Variants in PPIL4 observed in about 807,000 individuals in gnomAD.
The protein encoded by PPIL4 is peptidylprolyl isomerase like 4, also known as peptidyl-prolyl cis-trans isomerase-like 4.
PPIL4 carries 50 observed loss-of-function variants against 69.1 expected under a neutral mutation model. That is an observed-to-expected ratio of 0.72 (90% CI 0.58 to 0.92). The LOEUF is 0.92. Ranked by LOEUF, PPIL4 falls within the 40% of genes least tolerant of loss-of-function variation. PPIL4 has a pLI of 0.00. For synonymous variants in PPIL4, 193 were observed against 191.6 expected, an observed-to-expected ratio of 1.01 and a Z score of -0.06; for missense variants, 480 against 587.9, an observed-to-expected ratio of 0.82 and a Z score of 1.90.
At chr6:149,533,644 C>T (rs773618070) in intron 6 of PPIL4, 70 bp from the exon 7 acceptor site, 1 of 865,724 alleles carries the variant, frequency 1.2e-6, no homozygotes. Context: ...AGAAGACATA[C>T]TTTATTCTTA....
intron 9 of PPIL4, among the ~76,000 whole-genome samples, chr6:149,522,967 G>A (rs1380631997): frequency 1.2e-4 from 19 of 152,200 alleles, no homozygotes; most frequent in Non-Finnish European, 1.5e-4. Context: ...TATGAAAAAC[G>A]AAACAATGTA....
intron 11 of PPIL4, among the ~76,000 whole-genome samples, chr6:149,516,308 T>G (rs1008261242): frequency 2.4e-4 from 36 of 152,326 alleles, no homozygotes; most frequent in Non-Finnish European, 4.9e-4. Context: ...TGAAAGCCTC[T>G]CCTTATGCTG....
chr6:149,507,512 T>C (rs1015426431), intron 12 of PPIL4, among the ~76,000 whole-genome samples: 1 of 152,230 alleles, frequency 6.6e-6, no homozygotes, highest in Non-Finnish European at 1.5e-5. Context: ...ATTCATATAC[T>C]ATTATATCTG....
chr6:149,527,681 G>C (rs1777128003), intron 7 of PPIL4, among the ~76,000 whole-genome samples: 1 of 151,932 alleles, frequency 6.6e-6, no homozygotes, highest in South Asian at 2.1e-4. Context: ...CCTGCTTTTT[G>C]GTTTTCCTTT....
At chr6:149,513,601 G>C (rs1356589044) in intron 11 of PPIL4, among the ~76,000 whole-genome samples, 2 of 150,480 alleles carry the variant, frequency 1.3e-5, no homozygotes, top group African/African-American at 4.9e-5. Flanking sequence ...AAAAACCCTA[G>C]AAAGGTGTTT....
chr6:149,520,259 T>C (rs1399428358), intron 10 of PPIL4, among the ~76,000 whole-genome samples: 1 of 152,128 alleles, frequency 6.6e-6, no homozygotes, highest in Non-Finnish European at 1.5e-5. Context: ...TCAAAAAATG[T>C]AGGGGAAAGT....
At chr6:149,507,588 T>C (rs1453297830) in intron 12 of PPIL4, among the ~76,000 whole-genome samples, 1 of 152,224 alleles carries the variant, frequency 6.6e-6, no homozygotes, top group South Asian at 2.1e-4. Flanking sequence ...TGCTGGCTGA[T>C]GTATAAATTT....
At chr6:149,514,899 C>T (rs1179917247) in intron 11 of PPIL4, among the ~76,000 whole-genome samples, 4 of 151,262 alleles carry the variant, frequency 2.6e-5, no homozygotes, top group African/African-American at 9.7e-5. Context: ...TACAATGGCG[C>T]GATCTTGGCT....
At chr6:149,535,815 A>T in intron 4 of PPIL4, 77 bp from the exon 5 acceptor site, 2 of 986,842 alleles carry the variant, frequency 2.0e-6, no homozygotes, top group Non-Finnish European at 2.9e-6. Flanking sequence ...GACTGACAAA[A>T]AAATACATGA....
chr6:149,526,930 T>C (rs914116882), intron 7 of PPIL4, among the ~76,000 whole-genome samples, 154 bp from the exon 8 acceptor site: 1 of 152,224 alleles, frequency 6.6e-6, no homozygotes, highest in Non-Finnish European at 1.5e-5. Flanking sequence ...ATTTCAAAAT[T>C]TGAACTACAC....
intron 4 of PPIL4, among the ~76,000 whole-genome samples, chr6:149,540,291 T>C (rs1777340145): frequency 6.6e-6 from 1 of 151,972 alleles, no homozygotes; most frequent in Non-Finnish European, 1.5e-5. Flanking sequence ...GAATAGAAGG[T>C]ACTCTGCGTA....
intron 12 of PPIL4, among the ~76,000 whole-genome samples, chr6:149,510,654 A>G (rs1776829316): frequency 6.6e-6 from 1 of 152,144 alleles, no homozygotes; most frequent in Non-Finnish European, 1.5e-5. Context: ...AGGCAGGAGA[A>G]TCGCTTGAAC....
At chr6:149,523,288 TA>T (rs924796809) in intron 9 of PPIL4, among the ~76,000 whole-genome samples, 1 of 149,910 alleles carries the variant, frequency 6.7e-6, no homozygotes, top group African/African-American at 2.5e-5. Flanking sequence ...TCCTGTCCCT[TA>T]AAAAACAAAA....
intron 12 of PPIL4, among the ~76,000 whole-genome samples, chr6:149,509,093 C>T (rs1170693040): frequency 6.6e-6 from 1 of 151,984 alleles, no homozygotes; most frequent in Admixed American, 6.6e-5. Context: ...AATCAAAGTA[C>T]AAAACTTTTT....
At chr6:149,525,590 G>C (rs1300142035) in intron 8 of PPIL4, among the ~76,000 whole-genome samples, 1 of 152,106 alleles carries the variant, frequency 6.6e-6, no homozygotes, top group African/African-American at 2.4e-5. Context: ...CATTACTGTA[G>C]AATAATGTAT....
At chr6:149,541,652 C>A in intron 1 of PPIL4, 66 bp from the exon 2 acceptor site, 4 of 890,686 alleles carry the variant, frequency 4.5e-6, no homozygotes, top group South Asian at 1.5e-5. Context: ...TAAGTAAAGC[C>A]ACAGTAAAAT....
chr6:149,542,585 T>G (rs1411154780), intron 1 of PPIL4, among the ~76,000 whole-genome samples: 1 of 152,230 alleles, frequency 6.6e-6, no homozygotes, highest in Non-Finnish European at 1.5e-5. Context: ...TCCTTACATC[T>G]GAACACAAGT....
At chr6:149,541,492 G>A (rs1777361649) in intron 2 of PPIL4, 27 bp downstream of exon 2, 9 of 1,522,292 alleles carry the variant, frequency 5.9e-6, no homozygotes, top group Non-Finnish European at 7.3e-6. Flanking sequence ...CAATAACAAA[G>A]GAAATGACTA....
intron 4 of PPIL4, among the ~76,000 whole-genome samples, chr6:149,536,055 C>T (rs1014519746): frequency 6.6e-5 from 10 of 152,230 alleles, no homozygotes; most frequent in South Asian, 4.1e-4. Context: ...GTGATTCTCA[C>T]AAGATTTCAA....
Sources: gnomAD v4.1 joint callset for allele counts (sites outside exome capture counted in the v4.1 genomes callset) on GRCh38, gnomAD v4.1.1 for gene constraint, MANE v1.5 for transcripts, NCBI Gene and HGNC (gene_info 2026-07-23, HGNC 2026-07-21) for gene names.